The following PCED1B variants were observed in gnomAD, a reference collection of about 807,000 sequenced individuals.
PCED1B encodes the protein PC-esterase domain-containing protein 1B.
For missense variants in PCED1B, 573 were observed against 573.9 expected, an observed-to-expected ratio of 1.00 and a Z score of 0.02; for synonymous variants, 251 against 246.1, an observed-to-expected ratio of 1.02 and a Z score of -0.19.
chr12:47,108,610 A>G (rs1939057870), intron 2 of PCED1B, among the ~76,000 whole-genome samples: 1 of 152,078 alleles, frequency 6.6e-6, no homozygotes, highest in Non-Finnish European at 1.5e-5. Flanking sequence ...TCACATATTT[A>G]TTGGCCCTTT....
chr12:47,089,461 C>CATGTATAT (rs1233280547), intron 1 of PCED1B, among the ~76,000 whole-genome samples: 673 of 63,358 alleles, frequency 0.011, 55 homozygotes, highest in Non-Finnish European at 0.016. Context: ...AAAAAAAATA[C>CATGTATAT]ATATATATAT....
chr12:47,129,608 A>T (rs531009614), intron 2 of PCED1B, among the ~76,000 whole-genome samples: 26 of 152,220 alleles, frequency 1.7e-4, no homozygotes, highest in Admixed American at 2.6e-4. Flanking sequence ...AAATTTTTTT[A>T]AAGAAAAAAA....
At chr12:47,159,568 CT>C (rs1941304319) in intron 2 of PCED1B, among the ~76,000 whole-genome samples, 1 of 151,768 alleles carries the variant, frequency 6.6e-6, no homozygotes, top group Admixed American at 6.6e-5. Flanking sequence ...TTTTTGCCCA[CT>C]TTTTAATAGG....
chr12:47,120,014 A>C (rs1939609060), intron 2 of PCED1B, among the ~76,000 whole-genome samples: 4 of 152,092 alleles, frequency 2.6e-5, no homozygotes, highest in Admixed American at 2.6e-4. Flanking sequence ...CCCAATTAAA[A>C]AATAGAAAAA....
intron 2 of PCED1B, among the ~76,000 whole-genome samples, chr12:47,200,215 C>T (rs1293821591): frequency 6.6e-6 from 1 of 151,778 alleles, no homozygotes; most frequent in African/African-American, 2.4e-5. Flanking sequence ...AAATTCTATC[C>T]AAAATATGTA....
intron 2 of PCED1B, among the ~76,000 whole-genome samples, chr12:47,206,975 A>G (rs1180612219): frequency 6.6e-6 from 1 of 152,214 alleles, no homozygotes; most frequent in East Asian, 1.9e-4. Flanking sequence ...AGGGACTTTG[A>G]CATACTCATC....
At chr12:47,180,904 G>T (rs1942072467) in intron 2 of PCED1B, among the ~76,000 whole-genome samples, 1 of 152,092 alleles carries the variant, frequency 6.6e-6, no homozygotes, top group African/African-American at 2.4e-5. Flanking sequence ...TCATGAGAAA[G>T]TATACATATA....
intron 1 of PCED1B, among the ~76,000 whole-genome samples, chr12:47,086,084 C>A (rs1937967650): frequency 6.6e-6 from 1 of 152,140 alleles, no homozygotes; most frequent in Non-Finnish European, 1.5e-5. Flanking sequence ...AATAGCCATA[C>A]AAGTCTGACT....
At chr12:47,100,212 T>C (rs1450159333) in intron 1 of PCED1B, among the ~76,000 whole-genome samples, 4 of 152,234 alleles carry the variant, frequency 2.6e-5, no homozygotes, top group Non-Finnish European at 5.9e-5. Flanking sequence ...AGGGTAGTAT[T>C]CAGAACACTC....
intron 2 of PCED1B, among the ~76,000 whole-genome samples, chr12:47,182,288 G>A (rs2137608289): frequency 6.6e-6 from 1 of 152,224 alleles, no homozygotes; most frequent in African/African-American, 2.4e-5. Flanking sequence ...AGTATTGAGA[G>A]AGCTAGAGTG....
intron 2 of PCED1B, among the ~76,000 whole-genome samples, chr12:47,117,815 C>T (rs11183740): frequency 0.22 from 32,805 of 151,866 alleles, 4,508 homozygotes; most frequent in Non-Finnish European, 0.31. Flanking sequence ...GTCCCACCAA[C>T]AGTGTAAAAG....
intron 2 of PCED1B, among the ~76,000 whole-genome samples, chr12:47,196,952 C>T (rs1323463261): frequency 6.6e-6 from 1 of 151,364 alleles, no homozygotes; most frequent in Admixed American, 6.6e-5. Flanking sequence ...TGTTAATACA[C>T]TTAATATGTA....
At chr12:47,206,746 C>T (rs1180785698) in intron 2 of PCED1B, among the ~76,000 whole-genome samples, 9 of 149,334 alleles carry the variant, frequency 6.0e-5, no homozygotes, top group East Asian at 3.9e-4. Context: ...ATCTCTACCC[C>T]GCCCCCGCAA....
At chr12:47,215,598 G>A (rs534059133) in intron 2 of PCED1B, among the ~76,000 whole-genome samples, 1 of 152,226 alleles carries the variant, frequency 6.6e-6, no homozygotes, top group East Asian at 1.9e-4. Context: ...GTTACCTGCT[G>A]GTTTCAAGTG....
At chr12:47,170,532 C>T (rs1420403073) in intron 2 of PCED1B, among the ~76,000 whole-genome samples, 2 of 151,566 alleles carry the variant, frequency 1.3e-5, no homozygotes, top group African/African-American at 2.4e-5. Context: ...CCCCACCTCC[C>T]TCCCGGATAT....
intron 2 of PCED1B, among the ~76,000 whole-genome samples, chr12:47,112,608 T>G (rs945072844): frequency 1.1e-4 from 16 of 152,314 alleles, no homozygotes; most frequent in African/African-American, 3.4e-4. Context: ...CCTCAGTAAT[T>G]AGAAATTTGA....
At chr12:47,169,259 G>A (rs775961379) in intron 2 of PCED1B, among the ~76,000 whole-genome samples, 1 of 152,168 alleles carries the variant, frequency 6.6e-6, no homozygotes, top group Non-Finnish European at 1.5e-5. Flanking sequence ...AGGAAACTTA[G>A]CAAGGCCTAT....
At chr12:47,173,719 A>G (rs991285552) in intron 2 of PCED1B, among the ~76,000 whole-genome samples, 2 of 152,214 alleles carry the variant, frequency 1.3e-5, no homozygotes, top group African/African-American at 4.8e-5. Flanking sequence ...TTGAAGTACC[A>G]GAAGAAAAAT....
At position 47,235,185 on chromosome 12, in the gene PCED1B, G is replaced by A. The variant is rs921503949; in HGVS notation, c.122G>A (p.Arg41His). 22 of 1,595,260 alleles carry A rather than the reference G, an allele frequency of 1.4e-5. No individual in the cohort carries two copies. The highest frequency in any genetic ancestry group is 1.9e-5 in the Non-Finnish European group (22 of 1,170,142). Reference protein sequence around the residue: ...KDLVLLLQKDRLLTPGQLRAR... With the variant: ...KDLVLLLQKDHLLTPGQLRAR... ...CTGGTGCTTCTGCTGCAGAAGGACC[G>A]CCTGCTCACTCCCGGGCAGCTTAGA... The change falls in exon 4 of 4, where the codon CGC becomes CAC. Residue 41 changes from arginine to histidine, a missense_variant. Arg to His is a conservative substitution (Grantham distance 29). Coordinates refer to ENST00000546455, the MANE Select transcript of PCED1B (RefSeq NM_138371.3).
Sources: gnomAD v4.1 joint callset for allele counts (sites outside exome capture counted in the v4.1 genomes callset) on GRCh38, gnomAD v4.1.1 for gene constraint, MANE v1.5 for transcripts, NCBI Gene and HGNC (gene_info 2026-07-23, HGNC 2026-07-21) for gene names.